PMM2: variants seen among roughly 807,000 people sequenced by gnomAD.
PMM2 encodes the protein phosphomannomutase 2, also known as mannose-6-phosphate isomerase.
PMM2 carries 35 observed loss-of-function variants against 33.2 expected under a neutral mutation model. The ratio of observed to expected loss-of-function variants is 1.06; its 90% CI spans 0.81 to 1.40. The LOEUF (loss-of-function observed/expected upper bound fraction) is 1.40, where lower values mean the gene tolerates loss of function less well. Ranked by LOEUF, PMM2 falls within the 40% of genes most tolerant of loss-of-function variation. The pLI is 0.00. For synonymous variants in PMM2, 153 were observed against 114.7 expected, an observed-to-expected ratio of 1.33 and a Z score of -2.13; for missense variants, 386 against 306.0, an observed-to-expected ratio of 1.26 and a Z score of -1.95.
intron 7 of PMM2, among the ~76,000 whole-genome samples, chr16:8,817,204 T>C (rs1255562437): frequency 6.6e-6 from 1 of 152,226 alleles, no homozygotes; most frequent in Non-Finnish European, 1.5e-5. Flanking sequence ...AGCATTCAGG[T>C]TTGTTCTTAA....
At chr16:8,840,879 A>G (rs1269242135) in intron 7 of PMM2, among the ~76,000 whole-genome samples, 1 of 152,010 alleles carries the variant, frequency 6.6e-6, no homozygotes, top group African/African-American at 2.4e-5. Flanking sequence ...GATCTGGAGT[A>G]GGCAAGAGAA....
chr16:8,807,792 G>A (rs905984790), intron 4 of PMM2: 2 of 152,298 alleles, frequency 1.3e-5, no homozygotes, highest in South Asian at 4.1e-4. Context: ...ACTGCCCCTG[G>A]CTTTCATAAA....
intron 4 of PMM2, chr16:8,807,519 G>A (rs1048411902): frequency 6.6e-6 from 1 of 152,366 alleles, no homozygotes; most frequent in African/African-American, 2.4e-5. Context: ...TTGAGAGAGA[G>A]GATCTCGCCC....
intron 7 of PMM2, among the ~76,000 whole-genome samples, chr16:8,827,718 G>GTA (rs1567164534): frequency 3.0e-3 from 128 of 42,814 alleles, no homozygotes; most frequent in African/African-American, 0.013. Context: ...TTAAATGTGT[G>GTA]CATATATATA....
rs955786923 is a variant in PMM2 at position 8,811,557 on chromosome 16, C to T, written c.448-81C>T. 4.5e-6 allele frequency: 4 copies of T among 880,676 alleles called. No individual in the cohort carries two copies. In the Admixed American group the frequency reaches 5.3e-5, roughly 12 times the overall value. The allele number at this position is 880,676 out of a possible 1,614,324, so 54.6% of individuals were successfully genotyped here. A position where few individuals can be genotyped will look rare whatever the true frequency, so the allele number is the denominator to read the frequency against. On this transcript the variant is annotated intron_variant, in intron 5 of 7. Coordinates refer to ENST00000268261, the MANE Select transcript of PMM2 (RefSeq NM_000303.3). ...AAATAAATAAATCAATAAGATAATC[C>T]TACCTTTGTGGCCAGTAGTTAAAAC...
chr16:8,825,007 G>T (rs2060758764), intron 7 of PMM2, among the ~76,000 whole-genome samples: 1 of 152,126 alleles, frequency 6.6e-6, no homozygotes, highest in Non-Finnish European at 1.5e-5. Context: ...TCGCATTAGT[G>T]CATCTTTAAT....
chr16:8,818,146 T>C (rs1386492471), intron 7 of PMM2, among the ~76,000 whole-genome samples: 2 of 152,162 alleles, frequency 1.3e-5, no homozygotes, highest in East Asian at 1.9e-4. Context: ...TCGTGATCCG[T>C]CCGCCTCGGC....
At chr16:8,814,086 C>G (rs1326426894) in intron 7 of PMM2, among the ~76,000 whole-genome samples, 1 of 151,936 alleles carries the variant, frequency 6.6e-6, no homozygotes, top group Non-Finnish European at 1.5e-5. Flanking sequence ...AGGCTGGTCT[C>G]AAACCCCTGG....
intron 7 of PMM2, among the ~76,000 whole-genome samples, chr16:8,827,827 T>G (rs1275867851): frequency 2.0e-5 from 2 of 99,032 alleles, no homozygotes; most frequent in African/African-American, 7.5e-5. Context: ...TAATATATAT[T>G]ATATATATTG....
At chr16:8,837,526 G>A (rs1478948614) in intron 7 of PMM2, among the ~76,000 whole-genome samples, 1 of 151,758 alleles carries the variant, frequency 6.6e-6, no homozygotes, top group Non-Finnish European at 1.5e-5. Flanking sequence ...CGGAGAAGGG[G>A]TGGGGGGTTC....
intron 4 of PMM2, 99 bp from the exon 5 acceptor site, chr16:8,810,980 T>C (rs1659984400): frequency 1.3e-6 from 1 of 753,672 alleles, no homozygotes; most frequent in Admixed American, 2.0e-5. Flanking sequence ...CACACTAGCC[T>C]CTGCTTTTTA....
chr16:8,837,376 C>G (rs2060856899), intron 7 of PMM2, among the ~76,000 whole-genome samples: 1 of 151,810 alleles, frequency 6.6e-6, no homozygotes, highest in Non-Finnish European at 1.5e-5. Context: ...GAAAATAAGG[C>G]ATTTATTTAG....
At chr16:8,847,454 G>A (rs2060934363) in intron 7 of PMM2, among the ~76,000 whole-genome samples, 1 of 151,174 alleles carries the variant, frequency 6.6e-6, no homozygotes, top group African/African-American at 2.4e-5. Flanking sequence ...ATAAGCCTTA[G>A]ACAGATCTTC....
intron 1 of PMM2, among the ~76,000 whole-genome samples, chr16:8,800,505 A>G (rs2060607072): frequency 6.6e-6 from 1 of 152,120 alleles, no homozygotes; most frequent in African/African-American, 2.4e-5. Context: ...TTTTAAAATT[A>G]TCACACAGTT....
Position 8,847,749 on chromosome 16 carries a change from C to T in PMM2, c.665C>T (p.Thr222Ile), listed in dbSNP as rs993974593. ...GGTGGCAATGACCATGAGATCTTCA[C>T]AGACCCCAGAACCATGGGCTACTCC... is the stretch of plus-strand genomic sequence containing the variant. ...MPGGNDHEIFTDPRTMGYSVT... is the reference protein window; with the variant it reads ...MPGGNDHEIFIDPRTMGYSVT... Residue 222 changes from threonine to isoleucine, a missense_variant, in exon 8 of 8, where the codon ACA becomes ATA. Physicochemically the swap from Thr to Ile is moderately conservative, Grantham distance 89. Transcript: ENST00000268261. 1 of 1,613,756 alleles carries T rather than the reference C, an allele frequency of 6.2e-7. No individual in the cohort carries two copies. Among genetic ancestry groups the T allele is most frequent in the African/African-American group, 1.3e-5 (1 of 74,934 alleles).
At chr16:8,819,606 G>A (rs1406831447) in intron 7 of PMM2, among the ~76,000 whole-genome samples, 2 of 151,256 alleles carry the variant, frequency 1.3e-5, no homozygotes, top group Admixed American at 6.6e-5. Flanking sequence ...GAAGTGGGAG[G>A]ATTACTTGAG....
intron 2 of PMM2, among the ~76,000 whole-genome samples, chr16:8,803,074 A>T (rs3785176): frequency 2.8e-4 from 43 of 152,096 alleles, no homozygotes; most frequent in African/African-American, 9.9e-4. Flanking sequence ...ACACGCACAC[A>T]TACGGCTATG....
intron 1 of PMM2, among the ~76,000 whole-genome samples, chr16:8,799,935 C>A (rs139982720): frequency 1.3e-5 from 2 of 152,182 alleles, no homozygotes; most frequent in Non-Finnish European, 2.9e-5. Context: ...TATTACAAAC[C>A]CTTCTGTACA....
intron 2 of PMM2, among the ~76,000 whole-genome samples, chr16:8,804,083 G>T (rs1596485406): frequency 9.1e-6 from 1 of 109,702 alleles, no homozygotes; most frequent in Admixed American, 1.1e-4. Context: ...CCGTTGCCGA[G>T]GCTGGAGTGC....
Sources: gnomAD v4.1 joint callset for allele counts (sites outside exome capture counted in the v4.1 genomes callset) on GRCh38, gnomAD v4.1.1 for gene constraint, MANE v1.5 for transcripts, NCBI Gene and HGNC (gene_info 2026-07-23, HGNC 2026-07-21) for gene names.